Variants in PRPSAP2 observed in about 807,000 individuals in gnomAD.
PRPSAP2 encodes the protein phosphoribosyl pyrophosphate synthetase associated protein 2, also known as phosphoribosyl pyrophosphate synthase-associated protein 2.
Under a neutral mutation model 40.6 loss-of-function variants are expected in PRPSAP2, and 24 were observed. That is an observed-to-expected ratio of 0.59 (90% CI 0.43 to 0.83). The LOEUF (loss-of-function observed/expected upper bound fraction) is 0.83, where lower values mean the gene tolerates loss of function less well. PRPSAP2 is among the 40% of genes least tolerant of loss of function. The pLI, the probability that PRPSAP2 is intolerant of heterozygous loss-of-function variation, is 0.00. For synonymous variants in PRPSAP2, 149 were observed against 164.7 expected (o/e 0.90, Z 0.73); for missense variants, 292 against 465.6 (o/e 0.63, Z 3.43).
intron 7 of PRPSAP2, among the ~76,000 whole-genome samples, chr17:18,884,612 T>A (rs887089822): frequency 7.9e-5 from 12 of 152,162 alleles, no homozygotes; most frequent in Non-Finnish European, 1.0e-4. Flanking sequence ...AACAGTGTGA[T>A]TACAGGTGTG....
At chr17:18,860,875 A>G (rs1208024402) in intron 1 of PRPSAP2, among the ~76,000 whole-genome samples, 1 of 152,172 alleles carries the variant, frequency 6.6e-6, no homozygotes, top group East Asian at 1.9e-4. Flanking sequence ...GAGGAGTATG[A>G]TTTGCTCTTT....
intron 4 of PRPSAP2, among the ~76,000 whole-genome samples, chr17:18,868,879 A>G (rs1307071601): frequency 6.6e-6 from 1 of 151,996 alleles, no homozygotes; most frequent in Non-Finnish European, 1.5e-5. Context: ...TTTATCAAAT[A>G]TTTACATATT....
chr17:18,909,495 T>TGGCTGGGATTACATG (rs1264501511), intron 8 of PRPSAP2, among the ~76,000 whole-genome samples: 1 of 151,904 alleles, frequency 6.6e-6, no homozygotes, highest in Non-Finnish European at 1.5e-5. Flanking sequence ...CCGCCCACCT[T>TGGCTGGGATTACATG]GGCCTCCCAA....
At chr17:18,903,952 CCCT>C (rs1391458206) in intron 8 of PRPSAP2, among the ~76,000 whole-genome samples, 1 of 152,004 alleles carries the variant, frequency 6.6e-6, no homozygotes, top group African/African-American at 2.4e-5. Context: ...ATTTCTAGTT[CCCT>C]CCTCCAAGTT....
intron 1 of PRPSAP2, among the ~76,000 whole-genome samples, chr17:18,860,913 G>C (rs1299837589): frequency 6.6e-6 from 1 of 152,108 alleles, no homozygotes; most frequent in African/African-American, 2.4e-5. Flanking sequence ...TCTGAAAACG[G>C]TGTGTTTTCA....
chr17:18,892,130 C>T (rs2039583213), intron 8 of PRPSAP2, among the ~76,000 whole-genome samples: 1 of 152,220 alleles, frequency 6.6e-6, no homozygotes, highest in South Asian at 2.1e-4. Flanking sequence ...GCTGGGATTA[C>T]AGGCGTGAGC....
Position 18,869,842 on chromosome 17 carries a change from T to TG in PRPSAP2, c.172+2508_172+2509insG, listed in dbSNP as rs1555548062. Among the ~76,000 whole-genome samples, 514 of 139,258 alleles carry TG rather than the reference T, an allele frequency of 3.7e-3. 4 individuals carry two copies. Among genetic ancestry groups the TG allele is most frequent in the Non-Finnish European group, 4.5e-3 (295 of 65,446 alleles). The allele number at this position is 139,258 out of a possible 152,430, so 91.4% of individuals were successfully genotyped here. A position where few individuals can be genotyped will look rare whatever the true frequency, so the allele number is the denominator to read the frequency against. On this transcript the variant is annotated intron_variant, in intron 4 of 11. Transcript: ENST00000268835. ...CTGTTCCCATTTTGCTACTTTTTTT[T>TG]TGTGTGTGTGTGTGTGTGTGTGTGA...
intron 5 of PRPSAP2, among the ~76,000 whole-genome samples, chr17:18,872,981 T>C (rs2038000766): frequency 2.0e-5 from 3 of 151,870 alleles, no homozygotes; most frequent in Admixed American, 1.3e-4. Context: ...TAGCTGGTAC[T>C]ACAGTTGGCG....
At chr17:18,925,728 G>A (rs973565819) in intron 10 of PRPSAP2, among the ~76,000 whole-genome samples, 2 of 152,170 alleles carry the variant, frequency 1.3e-5, no homozygotes, top group African/African-American at 4.8e-5. Context: ...TGTTTCCAAA[G>A]TGGTCACACC....
chr17:18,866,081 T>C (rs2037403942), intron 3 of PRPSAP2, 129 bp downstream of exon 3: 4 of 625,256 alleles, frequency 6.4e-6, no homozygotes, highest in African/African-American at 5.9e-5. Flanking sequence ...ATATCTTTTT[T>C]TCATCATGTA....
rs1349932814 is a variant in PRPSAP2 at position 18,889,349 on chromosome 17, A to G, written c.529-473A>G. 8.5e-5 allele frequency among the ~76,000 whole-genome samples: 13 copies of G among 152,326 alleles called. 1 individual carries two copies. In the East Asian group the frequency reaches 2.5e-3, roughly 29 times the overall value. ...AAAGCAATGAGAATATAGTTAATAT[A>G]TTTTTTTAAAATAGTGCTGGGCCGA... On this transcript the variant is annotated intron_variant, in intron 7 of 11. Coordinates refer to ENST00000268835, the MANE Select transcript of PRPSAP2 (RefSeq NM_002767.4).
At chr17:18,877,385 A>G (rs1474303648) in intron 5 of PRPSAP2, among the ~76,000 whole-genome samples, 1 of 152,076 alleles carries the variant, frequency 6.6e-6, no homozygotes, top group Non-Finnish European at 1.5e-5. Flanking sequence ...TGGAGGGATT[A>G]ATTTTAGGGC....
At position 18,872,600 on chromosome 17, in the gene PRPSAP2, C is replaced by G; in HGVS notation, c.190C>G (p.Gln64Glu). ...CCTGCCAGAAACAAGAGTACAAATT[C>G]AAGAGTCTGTGAGGGGAAAAGATGT... ...EPNRETRVQIQESVRGKDVFI... is the reference protein window; with the variant it reads ...EPNRETRVQIEESVRGKDVFI... The change falls in exon 5 of 12, where the codon CAA (glutamine) becomes GAA (glutamate). Residue 64 changes from glutamine (Q) to glutamate (E), a missense_variant. Around this residue, in one of 2 missense-constraint regions of PRPSAP2, gnomAD observed 241 missense variants for 425.7 expected, o/e 0.57. Coordinates refer to ENST00000268835, the MANE Select transcript of PRPSAP2 (RefSeq NM_002767.4). 1 of 1,593,048 alleles carries G rather than the reference C, an allele frequency of 6.3e-7. No homozygotes were observed. Among genetic ancestry groups the G allele is most frequent in the Non-Finnish European group, 8.6e-7 (1 of 1,161,378 alleles).
At chr17:18,871,448 G>A (rs1228518273) in intron 4 of PRPSAP2, among the ~76,000 whole-genome samples, 5 of 151,864 alleles carry the variant, frequency 3.3e-5, no homozygotes, top group South Asian at 4.2e-4. Flanking sequence ...CACCTCTTCC[G>A]TTTTCTTCCT....
intron 6 of PRPSAP2, 120 bp from the exon 7 acceptor site, chr17:18,882,448 C>A (rs765898837): frequency 2.4e-5 from 16 of 680,148 alleles, no homozygotes; most frequent in Non-Finnish European, 3.4e-5. Flanking sequence ...GAGTTCAAGG[C>A]TGCAGTTAGC....
At chr17:18,892,104 C>T (rs1235076438) in intron 8 of PRPSAP2, among the ~76,000 whole-genome samples, 2 of 152,216 alleles carry the variant, frequency 1.3e-5, no homozygotes, top group Non-Finnish European at 2.9e-5. Flanking sequence ...ATCTGCCTGC[C>T]TCGGCCTCCC....
chr17:18,898,423 CCTTT>C (rs2040057837), intron 8 of PRPSAP2, among the ~76,000 whole-genome samples: 1 of 152,146 alleles, frequency 6.6e-6, no homozygotes, highest in African/African-American at 2.4e-5. Flanking sequence ...TTTATTGTTT[CCTTT>C]CTGTTTAGAG....
intron 1 of PRPSAP2, among the ~76,000 whole-genome samples, chr17:18,859,021 A>G (rs1176360732): frequency 6.6e-6 from 1 of 152,154 alleles, no homozygotes; most frequent in East Asian, 1.9e-4. Context: ...TTCCACTTAA[A>G]GTCATTCATA....
At chr17:18,895,158 C>T (rs193266188) in intron 8 of PRPSAP2, among the ~76,000 whole-genome samples, 63 of 150,572 alleles carry the variant, frequency 4.2e-4, no homozygotes, top group African/African-American at 1.5e-3. Context: ...CATCACAGCT[C>T]ACTACAGCCT....
Sources: gnomAD v4.1 joint callset for allele counts (sites outside exome capture counted in the v4.1 genomes callset) on GRCh38, gnomAD v4.1.1 for gene constraint, gnomAD v4.1.1 regional missense constraint, MANE v1.5 for transcripts, NCBI Gene and HGNC (gene_info 2026-07-23, HGNC 2026-07-21) for gene names.